Variants in SLC4A10 observed in about 807,000 individuals in gnomAD.
The protein encoded by SLC4A10 is sodium-driven chloride bicarbonate exchanger.
A neutral mutation model predicts 137.7 loss-of-function variants in SLC4A10; 42 were observed. The ratio of observed to expected loss-of-function variants is 0.30; its 90% CI spans 0.24 to 0.39. SLC4A10 has a LOEUF of 0.39. SLC4A10 is among the 10% of genes least tolerant of loss of function. SLC4A10 has a pLI of 1.00. For missense variants in SLC4A10, 925 were observed against 1,355.0 expected, an observed-to-expected ratio of 0.68 and a Z score of 4.98; for synonymous variants, 474 against 464.1, an observed-to-expected ratio of 1.02 and a Z score of -0.27.
At chr2:161,908,518 A>C (rs1037033895) in intron 15 of SLC4A10, among the ~76,000 whole-genome samples, 3 of 150,378 alleles carry the variant, frequency 2.0e-5, no homozygotes, top group Non-Finnish European at 3.0e-5. Flanking sequence ...GCACACCAAC[A>C]TGGCACATGT....
intron 5 of SLC4A10, among the ~76,000 whole-genome samples, chr2:161,859,296 C>CTTTT (rs1553597581): frequency 7.0e-6 from 1 of 142,638 alleles, no homozygotes; most frequent in African/African-American, 2.6e-5. Flanking sequence ...CTTTTCTTTT[C>CTTTT]TTTTTTTTTT....
At chr2:161,868,414 T>A (rs2125912388) in intron 6 of SLC4A10, among the ~76,000 whole-genome samples, 1 of 151,840 alleles carries the variant, frequency 6.6e-6, no homozygotes, top group African/African-American at 2.4e-5. Flanking sequence ...ACAGCTTCAT[T>A]TTTCTAGTTA....
Position 161,966,400 on chromosome 2 carries a change from T to G in SLC4A10, c.3159+1227T>G, listed in dbSNP as rs559272120. Among the ~76,000 whole-genome samples, 7 of 152,224 alleles carry G rather than the reference T, an allele frequency of 4.6e-5. No individual in the cohort carries two copies. The South Asian group carries it at 1.5e-3, about 32-fold the overall frequency. On this transcript the variant is annotated intron_variant, in intron 23 of 26. Coordinates refer to ENST00000446997, the MANE Select transcript of SLC4A10 (RefSeq NM_001178015.2). Reference sequence around the variant, plus strand: ...CACAAAAAATGATATTATACAATTGTTATTATTTATTTTTCTGTTTGATAT... The same window carrying G: ...CACAAAAAATGATATTATACAATTGGTATTATTTATTTTTCTGTTTGATAT...
At chr2:161,639,176 T>C (rs912289982) in intron 1 of SLC4A10, among the ~76,000 whole-genome samples, 2 of 152,076 alleles carry the variant, frequency 1.3e-5, no homozygotes, top group Non-Finnish European at 2.9e-5. Flanking sequence ...TCCTAATGGC[T>C]TTACTGCTGA....
chr2:161,918,517 TTAAAA>T (rs1265252216), intron 15 of SLC4A10, among the ~76,000 whole-genome samples: 3 of 152,194 alleles, frequency 2.0e-5, no homozygotes, highest in Non-Finnish European at 4.4e-5. Flanking sequence ...TAAAACATAA[TTAAAA>T]TAATATTATG....
chr2:161,914,917 C>A (rs1686759118), intron 15 of SLC4A10, among the ~76,000 whole-genome samples: 1 of 152,088 alleles, frequency 6.6e-6, no homozygotes, highest in African/African-American at 2.4e-5. Flanking sequence ...CTGGCAAAAC[C>A]CCACTTTCGA....
intron 1 of SLC4A10, chr2:161,708,741 G>A: frequency 6.5e-7 from 1 of 1,530,438 alleles, no homozygotes; most frequent in East Asian, 2.5e-5. Flanking sequence ...TCTTTTGTAA[G>A]ACAGGAAATG....
intron 1 of SLC4A10, among the ~76,000 whole-genome samples, chr2:161,768,695 C>T (rs1183350333): frequency 6.6e-6 from 1 of 151,976 alleles, no homozygotes; most frequent in Non-Finnish European, 1.5e-5. Context: ...ACACCTTGAT[C>T]AACTAACCAA....
intron 1 of SLC4A10, among the ~76,000 whole-genome samples, chr2:161,655,796 C>T (rs1317846540): frequency 6.6e-6 from 1 of 150,384 alleles, no homozygotes; most frequent in African/African-American, 2.5e-5. Context: ...GAATTGTAGT[C>T]AACACACATT....
chr2:161,968,050 G>A (rs369558708), intron 23 of SLC4A10, among the ~76,000 whole-genome samples: 8 of 150,288 alleles, frequency 5.3e-5, no homozygotes, highest in East Asian at 1.9e-4. Context: ...TACTCATACC[G>A]TGAAACATTC....
Position 161,859,276 on chromosome 2 carries a change from TTTTTC to T in SLC4A10, c.578-3578_578-3574del, listed in dbSNP as rs139631187. 3.6e-3 allele frequency among the ~76,000 whole-genome samples: 517 copies of T among 144,534 alleles called. 3 individuals carry two copies. Among genetic ancestry groups the T allele is most frequent in the African/African-American group, 0.011 (442 of 39,528 alleles). 94.8% of individuals were successfully genotyped at this position (144,534 alleles called of 152,430 possible). ...GGCCTTTTTCCACAAGTGCTACTAG[TTTTTC>T]TTTTCTTTTCTTTTCTTTTTTTTTT... is the stretch of plus-strand genomic sequence containing the variant. On this transcript the variant is annotated intron_variant, in intron 5 of 26. Transcript: ENST00000446997.
At chr2:161,816,486 TTTA>T (rs201097525) in intron 3 of SLC4A10, among the ~76,000 whole-genome samples, 167 of 152,226 alleles carry the variant, frequency 1.1e-3, no homozygotes, top group Non-Finnish European at 1.7e-3. Flanking sequence ...CACTCTTTTT[TTTA>T]TTATTATACT....
chr2:161,949,321 A>G (rs1352110253), intron 18 of SLC4A10, 60 bp downstream of exon 18: 1 of 1,095,956 alleles, frequency 9.1e-7, no homozygotes, highest in African/African-American at 1.6e-5. Flanking sequence ...TTTAGATGAT[A>G]CCTATAACTC....
chr2:161,741,373 G>T (rs1291493735), intron 1 of SLC4A10, among the ~76,000 whole-genome samples: 2 of 150,446 alleles, frequency 1.3e-5, no homozygotes, highest in Non-Finnish European at 1.5e-5. Context: ...CAAAATTTCA[G>T]TGTACAATAC....
At chr2:161,786,142 T>C (rs753181600) in intron 2 of SLC4A10, among the ~76,000 whole-genome samples, 1 of 152,044 alleles carries the variant, frequency 6.6e-6, no homozygotes, top group South Asian at 2.1e-4. Flanking sequence ...TAAATCTTCT[T>C]GTAGAATTGA....
chr2:161,852,151 A>G (rs1030776632), intron 4 of SLC4A10, among the ~76,000 whole-genome samples: 6 of 152,232 alleles, frequency 3.9e-5, no homozygotes, highest in Non-Finnish European at 7.3e-5. Context: ...GGGATGACAG[A>G]AAGTACCATA....
chr2:161,747,207 G>A (rs2048477559), intron 1 of SLC4A10, among the ~76,000 whole-genome samples: 1 of 152,080 alleles, frequency 6.6e-6, no homozygotes, highest in South Asian at 2.1e-4. Context: ...AGCCCACAGT[G>A]GTGGGGCTAG....
intron 19 of SLC4A10, among the ~76,000 whole-genome samples, chr2:161,953,620 T>C (rs1695174012): frequency 6.7e-6 from 1 of 149,860 alleles, no homozygotes; most frequent in Admixed American, 6.6e-5. Flanking sequence ...AAAAAAAAAA[T>C]GTTTTTATCA....
chr2:161,909,818 T>C (rs1417896372), intron 15 of SLC4A10, among the ~76,000 whole-genome samples: 1 of 152,228 alleles, frequency 6.6e-6, no homozygotes, highest in African/African-American at 2.4e-5. Flanking sequence ...AATCTCATAC[T>C]TTTGCACAAA....
Sources: allele counts gnomAD v4.1 joint callset (sites outside exome capture counted in the v4.1 genomes callset), GRCh38; gene constraint gnomAD v4.1.1; transcripts MANE v1.5; gene names NCBI Gene and HGNC (gene_info 2026-07-23, HGNC 2026-07-21).